The following PRRG1 variants were observed in gnomAD, a reference collection of about 807,000 sequenced individuals.
The protein encoded by PRRG1 is transmembrane gamma-carboxyglutamic acid protein 1.
Under a neutral mutation model 11.8 loss-of-function variants are expected in PRRG1, and 5 were observed. The ratio of observed to expected loss-of-function variants is 0.42; its 90% CI spans 0.22 to 0.89. The LOEUF is 0.89. Ranked by LOEUF, PRRG1 falls within the 40% of genes least tolerant of loss-of-function variation. The pLI, the probability that PRRG1 is intolerant of heterozygous loss-of-function variation, is 0.28. For synonymous variants in PRRG1, 66 were observed against 60.4 expected (o/e 1.09, Z -0.43); for missense variants, 155 against 166.1 (o/e 0.93, Z 0.37).
intron 1 of PRRG1, among the ~76,000 whole-genome samples, chrX:37,394,744 G>A (rs1931658738): frequency 9.1e-6 from 1 of 110,368 alleles, no homozygotes; most frequent in Non-Finnish European, 1.9e-5. Context: ...GTACATTTAA[G>A]GAACATCAAA....
intron 1 of PRRG1, among the ~76,000 whole-genome samples, chrX:37,402,864 A>C (rs1345136734): frequency 8.9e-6 from 1 of 112,054 alleles, no homozygotes; most frequent in African/African-American, 3.2e-5. Context: ...ATGCAGCCAA[A>C]AAACACATGA....
At chrX:37,381,141 G>C (rs1490843550) in intron 1 of PRRG1, among the ~76,000 whole-genome samples, 1 of 111,524 alleles carries the variant, frequency 9.0e-6, no homozygotes, top group Non-Finnish European at 1.9e-5. Flanking sequence ...TGTTTATAGA[G>C]TGACCATCTG....
chrX:37,446,939 C>T (rs1933088035), intron 3 of PRRG1, among the ~76,000 whole-genome samples: 1 of 111,608 alleles, frequency 9.0e-6, no homozygotes, highest in African/African-American at 3.3e-5. Context: ...GCGAGAAGGA[C>T]ACCAAGACAT....
At chrX:37,433,205 G>T (rs1384015546) in intron 3 of PRRG1, among the ~76,000 whole-genome samples, 1 of 111,238 alleles carries the variant, frequency 9.0e-6, no homozygotes, top group African/African-American at 3.3e-5. Context: ...CTCAGTAAAG[G>T]CCAAAGTGCT....
intron 1 of PRRG1, among the ~76,000 whole-genome samples, chrX:37,398,123 C>T (rs1556378808): frequency 9.0e-6 from 1 of 110,759 alleles, no homozygotes; most frequent in African/African-American, 3.3e-5. Flanking sequence ...TTGAAGAGAG[C>T]AGTGGTTCTC....
At chrX:37,380,457 G>A (rs1490019522) in intron 1 of PRRG1, among the ~76,000 whole-genome samples, 2 of 111,654 alleles carry the variant, frequency 1.8e-5, no homozygotes, top group Admixed American at 9.5e-5. Flanking sequence ...GTTATAATAA[G>A]TAGTAGCTCT....
rs1921392578 is a variant in PRRG1 at position 37,457,278 on chromosome X, A to G, written c.*3657A>G. On this transcript the variant is annotated 3_prime_UTR_variant, in exon 4 of 4. Transcript: ENST00000378628. ...TGTTTTTGGTATGCTAAATAAAGCT[A>G]TTTTTAAACCCAAGAGATTTTTTTT... The G allele has an allele frequency of 1.8e-5, 2 of 112,296 alleles. No homozygotes were observed. The highest frequency in any genetic ancestry group is 7.4e-4 in the South Asian group (2 of 2,699). 9.3% of individuals were successfully genotyped at this position (112,296 alleles called of 1,213,427 possible).
At chrX:37,392,484 T>G (rs1383465853) in intron 1 of PRRG1, among the ~76,000 whole-genome samples, 1 of 105,759 alleles carries the variant, frequency 9.5e-6, no homozygotes, top group African/African-American at 3.5e-5. Context: ...AGCCCAGGAG[T>G]TTGAGACCAG....
intron 2 of PRRG1, among the ~76,000 whole-genome samples, chrX:37,420,818 C>A (rs977686259): frequency 9.0e-6 from 1 of 110,864 alleles, no homozygotes; most frequent in Non-Finnish European, 1.9e-5. Flanking sequence ...GCCAAGATCA[C>A]ATCACTGCAC....
rs1481135844 is a variant in PRRG1 at position 37,440,700 on chromosome X, C to G, written c.172-12436C>G. ...AATAAAAATTATAATTCCCTATTAA[C>G]CTAGGTTTTATATTAGTTTTTCGTT... On this transcript the variant is annotated intron_variant, in intron 3 of 3. Transcript: ENST00000378628. 2.0e-5 allele frequency: 10 copies of G among 490,480 alleles called. No homozygotes were observed. In the East Asian group the frequency reaches 3.7e-4, roughly 18 times the overall value. 40.4% of individuals were successfully genotyped at this position (490,480 alleles called of 1,213,427 possible). A position where few individuals can be genotyped will look rare whatever the true frequency, so the allele number is the denominator to read the frequency against.
intron 3 of PRRG1, among the ~76,000 whole-genome samples, chrX:37,432,291 T>G (rs1437911934): frequency 4.1e-5 from 4 of 97,844 alleles, no homozygotes; most frequent in African/African-American, 2.0e-4. Context: ...TTTCACCCTG[T>G]TAGCCAGGAT....
intron 2 of PRRG1, among the ~76,000 whole-genome samples, chrX:37,414,809 A>G: frequency 8.9e-6 from 1 of 112,577 alleles, no homozygotes; most frequent in Non-Finnish European, 1.9e-5. Flanking sequence ...GTGTGAACAG[A>G]TAGGAAAGAA....
intron 3 of PRRG1, among the ~76,000 whole-genome samples, chrX:37,450,698 G>A (rs1027936973): frequency 2.7e-5 from 3 of 111,907 alleles, no homozygotes; most frequent in Non-Finnish European, 3.8e-5. Context: ...AATTGAAATA[G>A]AGTAAAAGGA....
chrX:37,391,418 C>A (rs1283067599), intron 1 of PRRG1, among the ~76,000 whole-genome samples: 1 of 111,383 alleles, frequency 9.0e-6, no homozygotes, highest in African/African-American at 3.3e-5. Flanking sequence ...GGAGAAACAA[C>A]TTTAGTTAAC....
chrX:37,375,879 T>G (rs987805095), intron 1 of PRRG1, among the ~76,000 whole-genome samples: 2 of 111,645 alleles, frequency 1.8e-5, no homozygotes, highest in Non-Finnish European at 3.8e-5. Context: ...TCCCTGGAGT[T>G]TCTAACTCTC....
chrX:37,415,543 G>C (rs116415361), intron 2 of PRRG1, among the ~76,000 whole-genome samples: 10,798 of 111,965 alleles, frequency 0.096, 1,229 homozygotes, highest in African/African-American at 0.33. Context: ...GAATCAATAG[G>C]AAGAGTTTAT....
At chrX:37,389,901 A>G (rs1181118166) in intron 1 of PRRG1, among the ~76,000 whole-genome samples, 2 of 111,988 alleles carry the variant, frequency 1.8e-5, no homozygotes, top group East Asian at 2.8e-4. Context: ...AGCCATGGAT[A>G]TTGCCACTGT....
chrX:37,441,705 CAAG>C lies in PRRG1; in HGVS notation c.172-11426_172-11424del, dbSNP rs781887023. On this transcript the variant is annotated intron_variant, in intron 3 of 3. Coordinates refer to ENST00000378628, the MANE Select transcript of PRRG1 (RefSeq NM_001142395.2). ...GCCGCTACTTCCTGCGCCAGTTGCA[CAAG>C]AAGAGGGAGCACGTCCAGGAGCTGA... 3.9e-5 allele frequency: 31 copies of C among 794,291 alleles called. No individual in the cohort carries two copies. In the East Asian group the frequency reaches 3.2e-3, roughly 81 times the overall value. 65.5% of individuals were successfully genotyped at this position (794,291 alleles called of 1,213,427 possible).
intron 1 of PRRG1, among the ~76,000 whole-genome samples, chrX:37,385,791 C>T (rs191756048): frequency 4.6e-5 from 5 of 107,745 alleles, no homozygotes; most frequent in Admixed American, 9.9e-5. Flanking sequence ...GACGGAGTCT[C>T]GCTCTGTCGT....
Sources: allele counts gnomAD v4.1 joint callset (sites outside exome capture counted in the v4.1 genomes callset), GRCh38; gene constraint gnomAD v4.1.1; transcripts MANE v1.5; gene names NCBI Gene and HGNC (gene_info 2026-07-23, HGNC 2026-07-21).